SWSAP1: variants seen among roughly 807,000 people sequenced by gnomAD.
The protein encoded by SWSAP1 is SWIM-type zinc finger 7 associated protein 1.
SWSAP1 carries 4 observed loss-of-function variants against 5.6 expected under a neutral mutation model. The ratio of observed to expected loss-of-function variants is 0.72; its 90% confidence interval spans 0.35 to 1.64. SWSAP1 has a LOEUF of 1.64. Ranked by LOEUF, SWSAP1 falls within the 40% of genes most tolerant of loss-of-function variation. The pLI is 0.05. For missense variants in SWSAP1, 354 were observed against 319.8 expected, an observed-to-expected ratio of 1.11 and a Z score of -0.82; for synonymous variants, 139 against 143.3, an observed-to-expected ratio of 0.97 and a Z score of 0.22.
In SWSAP1 at chr19:11,375,746, C is replaced by T; in HGVS notation, c.483C>T (p.Ala161=). 2.5e-6 allele frequency: 4 copies of T among 1,614,200 alleles called. No individual in the cohort carries two copies. Among genetic ancestry groups the T allele is most frequent in the Non-Finnish European group, 2.5e-6 (3 of 1,180,028 alleles). ...GCCGGGATTGTGGGCTCATGGTGGC[C>T]CTCCAGACCCAGGAGGAAGCAGGTA... The part of the protein sequence containing the change: ...GPGRDCGLMV[A]LQTQEEAGSG... The change falls in exon 2 of 2, where the codon GCC becomes GCT. Residue 161 remains alanine, a synonymous_variant. Transcript: ENST00000674460.
At chr19:11,375,227 C>T (rs1286081965) in intron 1 of SWSAP1, among the ~76,000 whole-genome samples, 1 of 152,066 alleles carries the variant, frequency 6.6e-6, no homozygotes, top group Non-Finnish European at 1.5e-5. Context: ...TGAGTTGGTT[C>T]CTGTTAGTGT....
At chr19:11,374,982 G>C in intron 1 of SWSAP1, 53 bp downstream of exon 1, 1 of 1,595,336 alleles carries the variant, frequency 6.3e-7, no homozygotes, top group Non-Finnish European at 8.5e-7. Context: ...GAGTAGATCC[G>C]GGATATTGAG....
At chr19:11,375,186 G>A (rs890064440) in intron 1 of SWSAP1, among the ~76,000 whole-genome samples, 1 of 152,174 alleles carries the variant, frequency 6.6e-6, no homozygotes, top group Non-Finnish European at 1.5e-5. Context: ...CCCATCAAGG[G>A]GCGGGGCTAA....
Position 11,374,909 on chromosome 19 carries a change from C to A in SWSAP1, c.229C>A (p.Leu77Ile), listed in dbSNP as rs200466341. 6.2e-7 allele frequency: 1 copy of A among 1,613,924 alleles called. No individual in the cohort carries two copies. The highest frequency in any genetic ancestry group is 2.2e-5 in the East Asian group (1 of 44,886). ...QSMPRGTGTT[L>I]DPMRLQKIRF... ...CATGCCCCGCGGGACCGGAACGACT[C>A]TAGACCCAATGCGACTCCAGGTAAC... The change falls in exon 1 of 2, where the codon CTA (leucine) becomes ATA (isoleucine). Residue 77 changes from leucine to isoleucine, a missense_variant. Leu to Ile is a conservative substitution (Grantham distance 5, BLOSUM62 2). Coordinates refer to ENST00000674460, the MANE Select transcript of SWSAP1 (RefSeq NM_175871.4).
chr19:11,375,003 ACAAGCCAATGGAGAGGACGGTGGAAGAG>A, intron 1 of SWSAP1, 74 bp downstream of exon 1: 1 of 1,573,986 alleles, frequency 6.4e-7, no homozygotes, highest in East Asian at 2.2e-5. Context: ...TAACAGGTAG[ACAAGCCAATGGAGAGGACGGTGGAAGAG>A]CGAGCCAGGG....
At position 11,374,719 on chromosome 19, in the gene SWSAP1, T is replaced by G. The variant is rs1599414311; in HGVS notation, c.39T>G (p.Gly13=). 1.3e-6 allele frequency: 2 copies of G among 1,586,798 alleles called. No individual in the cohort carries two copies. Among genetic ancestry groups the G allele is most frequent in the Non-Finnish European group, 8.6e-7 (1 of 1,167,180 alleles). Residue 13 remains glycine (G), a synonymous_variant, in exon 1 of 2, where the codon GGT becomes GGG. Coordinates refer to ENST00000674460, the MANE Select transcript of SWSAP1 (RefSeq NM_175871.4). Reference sequence around the variant, plus strand: ...TGAGGCGGGTGCTAACCAGGGGCGGTGCGGCCTGGTCCGGGGAGGAGAACA... The same window carrying G: ...TGAGGCGGGTGCTAACCAGGGGCGGGGCGGCCTGGTCCGGGGAGGAGAACA... ...ETLRRVLTRG[G]AAWSGEENMP...
In SWSAP1 at chr19:11,374,820, C is replaced by A. The variant is rs1487230695; in HGVS notation, c.140C>A (p.Ala47Asp). 6.2e-7 allele frequency: 1 copy of A among 1,614,026 alleles called. No individual in the cohort carries two copies. The highest frequency in any genetic ancestry group is 8.5e-7 in the Non-Finnish European group (1 of 1,179,978). Residue 47 changes from alanine (A) to aspartate (D), a missense_variant, in exon 1 of 2, where the codon GCC becomes GAC. Coordinates refer to ENST00000674460, the MANE Select transcript of SWSAP1 (RefSeq NM_175871.4). Reference protein sequence around the residue: ...SGKTALLFAAALEAAGEGQGP... With the variant: ...SGKTALLFAADLEAAGEGQGP... Reference sequence around the variant, plus strand: ...AAAACAGCGCTGCTATTTGCTGCGGCCCTAGAGGCGGCGGGGGAGGGCCAA... The same window carrying A: ...AAAACAGCGCTGCTATTTGCTGCGGACCTAGAGGCGGCGGGGGAGGGCCAA...
At position 11,375,919 on chromosome 19, in the gene SWSAP1, C is replaced by T; in HGVS notation, c.656C>T (p.Thr219Ile). The T allele has an allele frequency of 1.2e-6, 2 of 1,613,944 alleles. No homozygotes were observed. The highest frequency in any genetic ancestry group is 1.7e-6 in the Non-Finnish European group (2 of 1,180,034). The change falls in exon 2 of 2, where the codon ACT becomes ATT. Residue 219 changes from threonine (T) to isoleucine (I), a missense_variant. Transcript: ENST00000674460. Reference sequence around the variant, plus strand: ...GGCCCCAGAACAGAGTGGTGGGTGACTTTCCGATCAGATGGAGAAATGATG... The same window carrying T: ...GGCCCCAGAACAGAGTGGTGGGTGATTTTCCGATCAGATGGAGAAATGATG... ...GLGPRTEWWV[T>I]FRSDGEMMIA...
chr19:11,376,084 A>T lies in SWSAP1; in HGVS notation c.*68A>T. On this transcript the variant is annotated 3_prime_UTR_variant, in exon 2 of 2. Coordinates refer to ENST00000674460, the MANE Select transcript of SWSAP1 (RefSeq NM_175871.4). ...GCTGGAATACTTACCTCAGGGACATATGCAGATCCAAAGACCTAAACAATG... is the reference window on the plus strand; with the variant it reads ...GCTGGAATACTTACCTCAGGGACATTTGCAGATCCAAAGACCTAAACAATG... 7.3e-7 allele frequency: 1 copy of T among 1,375,842 alleles called. No homozygotes were observed. The highest frequency in any genetic ancestry group is 2.5e-5 in the East Asian group (1 of 40,808). The allele number at this position is 1,375,842 out of a possible 1,614,324, so 85.2% of individuals were successfully genotyped here. A position where few individuals can be genotyped will look rare whatever the true frequency, so the allele number is the denominator to read the frequency against.
intron 1 of SWSAP1, 108 bp downstream of exon 1, chr19:11,375,037 C>G: frequency 3.5e-6 from 5 of 1,424,884 alleles, no homozygotes; most frequent in Non-Finnish European, 4.8e-6. Flanking sequence ...AAGAGCGAGC[C>G]AGGGCAGCCA....
Position 11,374,740 on chromosome 19 carries a change from G to A in SWSAP1, c.60G>A (p.Glu20=). 1.9e-6 allele frequency: 3 copies of A among 1,608,706 alleles called. No homozygotes were observed. The highest frequency in any genetic ancestry group is 1.3e-5 in the African/African-American group (1 of 74,854). Reference sequence around the variant, plus strand: ...GCGGTGCGGCCTGGTCCGGGGAGGAGAACATGCCTGCCGCCGGACCGCCTT... The same window carrying A: ...GCGGTGCGGCCTGGTCCGGGGAGGAAAACATGCCTGCCGCCGGACCGCCTT... ...TRGGAAWSGE[E]NMPAAGPPLL... is the part of the protein sequence containing the mutation. Residue 20 remains glutamate (E), a synonymous_variant, in exon 1 of 2, where the codon GAG becomes GAA. Transcript: ENST00000674460.
intron 1 of SWSAP1, 141 bp from the exon 2 acceptor site, chr19:11,375,372 A>G: frequency 7.0e-7 from 1 of 1,430,728 alleles, no homozygotes; most frequent in Non-Finnish European, 9.3e-7. Context: ...TGCTGGAAAA[A>G]CGGGCGAATA....
Position 11,375,850 on chromosome 19 carries a change from C to T in SWSAP1, c.587C>T (p.Pro196Leu). 2 of 1,614,142 alleles carry T rather than the reference C, an allele frequency of 1.2e-6. No homozygotes were observed. The highest frequency in any genetic ancestry group is 1.7e-6 in the Non-Finnish European group (2 of 1,180,010). ...QCWLQPDAPG[P>L]GEHGLRACLE... ...TGGCTGCAGCCAGATGCACCAGGTCCAGGAGAGCACGGCCTCCGAGCCTGC... is the reference window on the plus strand; with the variant it reads ...TGGCTGCAGCCAGATGCACCAGGTCTAGGAGAGCACGGCCTCCGAGCCTGC... Residue 196 changes from proline (P) to leucine (L), a missense_variant, in exon 2 of 2, where the codon CCA becomes CTA. Transcript: ENST00000674460.
chr19:11,374,884 C>T lies in SWSAP1; in HGVS notation c.204C>T (p.Ser68=). 1 of 1,613,988 alleles carries T rather than the reference C, an allele frequency of 6.2e-7. No individual in the cohort carries two copies. The highest frequency in any genetic ancestry group is 8.5e-7 in the Non-Finnish European group (1 of 1,180,006). ...TCCTGACACGAAGGCCTCTTCAAAG[C>T]ATGCCCCGCGGGACCGGAACGACTC... The part of the protein sequence containing the change: ...VLFLTRRPLQ[S]MPRGTGTTLD... The change falls in exon 1 of 2, where the codon AGC becomes AGT. Residue 68 remains serine (S), a synonymous_variant. Transcript: ENST00000674460.
chr19:11,375,707 C>A lies in SWSAP1; in HGVS notation c.444C>A (p.His148Gln). ...LLLDTAAHFS[H>Q]RLGPGRDCGL... ...TAGACACAGCTGCCCACTTCAGCCA[C>A]CGGCTTGGGCCTGGCCGGGATTGTG... The change falls in exon 2 of 2, where the codon CAC becomes CAA. Residue 148 changes from histidine to glutamine, a missense_variant. His to Gln is a conservative substitution (Grantham distance 24). Coordinates refer to ENST00000674460, the MANE Select transcript of SWSAP1 (RefSeq NM_175871.4). 1 of 1,614,214 alleles carries A rather than the reference C, an allele frequency of 6.2e-7. No individual in the cohort carries two copies. Among genetic ancestry groups the A allele is most frequent in the Non-Finnish European group, 8.5e-7 (1 of 1,180,030 alleles).
Position 11,375,561 on chromosome 19 carries a change from C to G in SWSAP1, c.298C>G (p.Leu100Val). The G allele has an allele frequency of 6.2e-7, 1 of 1,614,152 alleles. No homozygotes were observed. The highest frequency in any genetic ancestry group is 8.5e-7 in the Non-Finnish European group (1 of 1,180,018). ...PPSTRELFRLLCSAHEAPGPA... is the reference protein window; with the variant it reads ...PPSTRELFRLVCSAHEAPGPA... ...CTCAACCCGAGAGCTTTTCCGGCTC[C>G]TGTGCTCTGCCCATGAGGCCCCGGG... The change falls in exon 2 of 2, where the codon CTG becomes GTG. Residue 100 changes from leucine (L) to valine (V), a missense_variant. Leu to Val is a conservative substitution (Grantham distance 32). Coordinates refer to ENST00000674460, the MANE Select transcript of SWSAP1 (RefSeq NM_175871.4).
rs1599415306 is a variant in SWSAP1 at position 11,375,970 on chromosome 19, G to A, written c.707G>A (p.Gly236Asp). 6.2e-7 allele frequency: 1 copy of A among 1,612,246 alleles called. No homozygotes were observed. Among genetic ancestry groups the A allele is most frequent in the Non-Finnish European group, 8.5e-7 (1 of 1,179,508 alleles). Residue 236 changes from glycine to aspartate, a missense_variant, in exon 2 of 2, where the codon GGT (glycine) becomes GAT (aspartate). By Grantham distance (94) the Gly-to-Asp change is moderately conservative. Coordinates refer to ENST00000674460, the MANE Select transcript of SWSAP1 (RefSeq NM_175871.4). ...ATCGCTCCGTGGCCCACCCAGGCTG[G>A]TGACCCCAGCTCAGGCAAGGGTTCA... Reference protein sequence around the residue: ...MMIAPWPTQAGDPSSGKGSSS... With the variant: ...MMIAPWPTQADDPSSGKGSSS...
Position 11,375,625 on chromosome 19 carries a change from A to G in SWSAP1, c.362A>G (p.Glu121Gly). 6.2e-7 allele frequency: 1 copy of G among 1,614,098 alleles called. No homozygotes were observed. Residue 121 changes from glutamate to glycine, a missense_variant, in exon 2 of 2, where the codon GAG becomes GGG. Glu to Gly is a moderately conservative substitution (Grantham distance 98). Coordinates refer to ENST00000674460, the MANE Select transcript of SWSAP1 (RefSeq NM_175871.4). ...CTTCTGCTGCTCGACGGCCTAGAAGAGTACCTAGCGGAAGACCCAGAGCCC... is the reference window on the plus strand; with the variant it reads ...CTTCTGCTGCTCGACGGCCTAGAAGGGTACCTAGCGGAAGACCCAGAGCCC... The part of the protein sequence containing the change: ...PSLLLLDGLE[E>G]YLAEDPEPQE...
At position 11,375,521 on chromosome 19, in the gene SWSAP1, C is replaced by T. The variant is rs867172334; in HGVS notation, c.258C>T (p.Arg86=). Residue 86 remains arginine (R), a synonymous_variant, in exon 2 of 2, where the codon CGC becomes CGT. Coordinates refer to ENST00000674460, the MANE Select transcript of SWSAP1 (RefSeq NM_175871.4). ...TCTGTTTCTCCTTCTAGAAGATCCG[C>T]TTCCAGTACCCACCCTCAACCCGAG... ...TLDPMRLQKI[R]FQYPPSTREL... is the part of the protein sequence containing the mutation. 2 of 1,607,508 alleles carry T rather than the reference C, an allele frequency of 1.2e-6. No individual in the cohort carries two copies. Among genetic ancestry groups the T allele is most frequent in the Middle Eastern group, 1.7e-4 (1 of 6,036 alleles).
Sources: allele counts gnomAD v4.1 joint callset (sites outside exome capture counted in the v4.1 genomes callset), GRCh38; gene constraint gnomAD v4.1.1; transcripts MANE v1.5; gene names NCBI Gene and HGNC (gene_info 2026-07-23, HGNC 2026-07-21).